The following CSMD1 variants were observed in gnomAD, a reference collection of about 807,000 sequenced individuals.
CSMD1 encodes the protein CUB and sushi domain-containing protein 1.
Under a neutral mutation model 417.5 loss-of-function variants are expected in CSMD1, and 213 were observed. The ratio of observed to expected loss-of-function variants is 0.51; its 90% CI spans 0.46 to 0.57. The LOEUF is 0.57. CSMD1 is among the 20% of genes least tolerant of loss of function. The probability of loss-of-function intolerance (pLI) is 0.00; values close to 1 mark genes in which losing one functional copy is unlikely to be tolerated. For synonymous variants in CSMD1, 2,862 were observed against 1,736.8 expected (o/e 1.65, Z -16.11); for missense variants, 6,923 against 4,529.7 (o/e 1.53, Z -15.17).
chr8:4,103,610 A>G (rs183285873), intron 3 of CSMD1, among the ~76,000 whole-genome samples: 11 of 152,266 alleles, frequency 7.2e-5, no homozygotes, highest in South Asian at 2.1e-4. Context: ...ATTTTCATGT[A>G]AACACTTGTG....
intron 8 of CSMD1, among the ~76,000 whole-genome samples, chr8:3,610,486 G>T (rs1028387300): frequency 6.6e-6 from 1 of 152,192 alleles, no homozygotes; most frequent in African/African-American, 2.4e-5. Flanking sequence ...AGTACTCCAG[G>T]CTGAGTGACA....
intron 1 of CSMD1, among the ~76,000 whole-genome samples, chr8:4,833,146 A>C (rs374404853): frequency 6.6e-6 from 1 of 152,170 alleles, no homozygotes; most frequent in Non-Finnish European, 1.5e-5. Context: ...ATTGATATCC[A>C]CTGTATTAGT....
intron 3 of CSMD1, among the ~76,000 whole-genome samples, chr8:4,172,959 A>G (rs987143391): frequency 6.6e-6 from 1 of 152,158 alleles, no homozygotes; most frequent in African/African-American, 2.4e-5. Flanking sequence ...GGGCTGAGGC[A>G]GGCAGCTAAA....
intron 10 of CSMD1, among the ~76,000 whole-genome samples, chr8:3,537,284 T>A (rs1312660817): frequency 6.6e-6 from 1 of 152,240 alleles, no homozygotes; most frequent in Admixed American, 6.5e-5. Context: ...ATTACAGGCA[T>A]GAGCCATCAT....
intron 2 of CSMD1, among the ~76,000 whole-genome samples, chr8:4,436,184 C>A (rs566332607): frequency 6.6e-5 from 10 of 152,268 alleles, no homozygotes; most frequent in South Asian, 2.1e-4. Context: ...TCTCATCTTA[C>A]AGACACTGGC....
At chr8:3,698,135 G>T (rs17066956) in intron 7 of CSMD1, among the ~76,000 whole-genome samples, 20,599 of 152,132 alleles carry the variant, frequency 0.14, 1,740 homozygotes, top group East Asian at 0.23. Flanking sequence ...TCCCAGTGAT[G>T]CTGTTCTCAA....
chr8:4,202,260 T>G lies in CSMD1; in HGVS notation c.416-170161A>C, dbSNP rs533898316. Among the ~76,000 whole-genome samples the G allele has an allele frequency of 1.3e-3, 193 of 152,296 alleles. 2 individuals are homozygous for G. The highest frequency in any genetic ancestry group is 2.3e-3 in the Non-Finnish European group (159 of 68,022). ...CCTTATCTTCACAATTCAGTTAAGATTTTATTCATGTTACTGATTATGCTT... is the reference window on the plus strand; with the variant it reads ...CCTTATCTTCACAATTCAGTTAAGAGTTTATTCATGTTACTGATTATGCTT... On this transcript the variant is annotated intron_variant, in intron 3 of 69. Coordinates refer to ENST00000635120, the MANE Select transcript of CSMD1 (RefSeq NM_033225.6).
At chr8:4,454,271 T>A (rs1197522836) in intron 2 of CSMD1, among the ~76,000 whole-genome samples, 1 of 152,186 alleles carries the variant, frequency 6.6e-6, no homozygotes. Flanking sequence ...ACTGCCTAAC[T>A]GGACTCCTGA....
intron 1 of CSMD1, among the ~76,000 whole-genome samples, chr8:4,781,664 A>G (rs1029969133): frequency 6.6e-6 from 1 of 152,220 alleles, no homozygotes; most frequent in African/African-American, 2.4e-5. Context: ...ATTCAACTGT[A>G]AAATGGTATC....
chr8:3,381,517 T>A (rs544230088), intron 18 of CSMD1, among the ~76,000 whole-genome samples: 5 of 152,300 alleles, frequency 3.3e-5, no homozygotes, highest in African/African-American at 1.2e-4. Flanking sequence ...AAAACTTGAA[T>A]ATTTTAAGGG....
intron 3 of CSMD1, among the ~76,000 whole-genome samples, chr8:4,124,022 T>A (rs898215350): frequency 2.0e-5 from 3 of 152,180 alleles, no homozygotes; most frequent in Non-Finnish European, 2.9e-5. Flanking sequence ...TATCTAACTT[T>A]TTTTTTTCTA....
chr8:4,062,240 C>T (rs1003104822), intron 3 of CSMD1, among the ~76,000 whole-genome samples: 1 of 152,174 alleles, frequency 6.6e-6, no homozygotes, highest in South Asian at 2.1e-4. Flanking sequence ...GTCTAATTTC[C>T]TCAGAGTCAT....
intron 2 of CSMD1, among the ~76,000 whole-genome samples, chr8:4,519,178 G>T (rs746319878): frequency 6.6e-6 from 1 of 152,022 alleles, no homozygotes; most frequent in African/African-American, 2.4e-5. Context: ...TTGCAGTCAG[G>T]ATTCCCTAAT....
chr8:3,706,801 C>T (rs1188995106), intron 7 of CSMD1, among the ~76,000 whole-genome samples: 1 of 152,172 alleles, frequency 6.6e-6, no homozygotes, highest in Non-Finnish European at 1.5e-5. Flanking sequence ...TCTCCCTCTA[C>T]AGAACATTCT....
At chr8:4,175,941 G>T (rs116360560) in intron 3 of CSMD1, among the ~76,000 whole-genome samples, 1 of 152,104 alleles carries the variant, frequency 6.6e-6, no homozygotes, top group Non-Finnish European at 1.5e-5. Flanking sequence ...AGGTGCTGTC[G>T]ACATTGGTGG....
intron 52 of CSMD1, among the ~76,000 whole-genome samples, chr8:3,003,268 T>A (rs623525): frequency 0.012 from 1,863 of 152,330 alleles, 32 homozygotes; most frequent in African/African-American, 0.043. Flanking sequence ...AGCTCTATTT[T>A]AAATTTAAGA....
chr8:3,472,653 T>C (rs974975353), intron 11 of CSMD1, among the ~76,000 whole-genome samples: 2 of 152,114 alleles, frequency 1.3e-5, no homozygotes, highest in African/African-American at 4.8e-5. Context: ...TCCTGAATTA[T>C]AGTCAGTGTA....
chr8:2,988,991 C>G (rs567385857), intron 54 of CSMD1, among the ~76,000 whole-genome samples: 43 of 152,210 alleles, frequency 2.8e-4, no homozygotes, highest in South Asian at 1.2e-3. Context: ...AGTGCTGCAC[C>G]AGGGTCACAC....
rs548276229 is a variant in CSMD1, at chr8:3,217,904, A to G, written c.4672+1351T>C. Among the ~76,000 whole-genome samples the G allele has an allele frequency of 2.6e-5, 4 of 152,200 alleles. No homozygotes were observed. In the East Asian group the frequency reaches 7.7e-4, roughly 29 times the overall value. On this transcript the variant is annotated intron_variant, in intron 29 of 69. Coordinates refer to ENST00000635120, the MANE Select transcript of CSMD1 (RefSeq NM_033225.6). The stretch of plus-strand genomic sequence containing the variant: ...CTCAAAAGTGTAAATAAATATAAAT[A>G]TTTTCATTTTTTAAAGAAAACCCTC...
Sources: gnomAD v4.1 joint callset for allele counts (sites outside exome capture counted in the v4.1 genomes callset) on GRCh38, gnomAD v4.1.1 for gene constraint, MANE v1.5 for transcripts, NCBI Gene and HGNC (gene_info 2026-07-23, HGNC 2026-07-21) for gene names.